The following BRINP3 variants were observed in gnomAD, a reference collection of about 807,000 sequenced individuals.
The protein encoded by BRINP3 is BMP/retinoic acid inducible neural specific 3, also known as BMP/retinoic acid-inducible neural-specific protein 3.
Under a neutral mutation model 71.0 loss-of-function variants are expected in BRINP3, and 19 were observed. The observed-to-expected ratio is 0.27, with a 90% CI of 0.19 to 0.39. The LOEUF is 0.39. Among genes scored for constraint, BRINP3 ranks in the 10% least tolerant of loss-of-function variants. The probability of loss-of-function intolerance (pLI) is 1.00; values close to 1 mark genes in which losing one functional copy is unlikely to be tolerated. For missense variants in BRINP3, 959 were observed against 940.8 expected, an observed-to-expected ratio of 1.02 and a Z score of -0.25; for synonymous variants, 380 against 337.7, an observed-to-expected ratio of 1.13 and a Z score of -1.37.
intron 4 of BRINP3, among the ~76,000 whole-genome samples, chr1:190,255,292 C>T (rs1660560493): frequency 6.7e-6 from 1 of 150,232 alleles, no homozygotes; most frequent in Non-Finnish European, 1.5e-5. Context: ...ATGATGCTGG[C>T]CTCATAAAAT....
intron 6 of BRINP3, among the ~76,000 whole-genome samples, chr1:190,183,326 T>A (rs1478730348): frequency 6.6e-6 from 1 of 152,020 alleles, no homozygotes; most frequent in African/African-American, 2.4e-5. Context: ...ATTTTAAGTT[T>A]AAAAAAATTA....
intron 2 of BRINP3, among the ~76,000 whole-genome samples, chr1:190,409,428 T>C (rs1373337227): frequency 2.0e-5 from 3 of 152,210 alleles, no homozygotes; most frequent in Non-Finnish European, 2.9e-5. Flanking sequence ...TTTCTAGAAC[T>C]GGATCTCCTT....
At chr1:190,397,185 C>T (rs1443838429) in intron 2 of BRINP3, among the ~76,000 whole-genome samples, 1 of 151,942 alleles carries the variant, frequency 6.6e-6, no homozygotes, top group Non-Finnish European at 1.5e-5. Context: ...CCTCTCTTAC[C>T]TACTTAGCAA....
intron 6 of BRINP3, among the ~76,000 whole-genome samples, chr1:190,167,155 G>T (rs2102483396): frequency 6.6e-6 from 1 of 152,102 alleles, no homozygotes; most frequent in African/African-American, 2.4e-5. Flanking sequence ...CAAAATCCCT[G>T]AATTTATCCG....
At chr1:190,410,559 G>A (rs1283352437) in intron 2 of BRINP3, among the ~76,000 whole-genome samples, 1 of 151,924 alleles carries the variant, frequency 6.6e-6, no homozygotes, top group East Asian at 1.9e-4. Flanking sequence ...CAGAAAGGTA[G>A]TATTTAAACC....
chr1:190,306,297 A>G lies in BRINP3; in HGVS notation c.237-24547T>C, dbSNP rs1438739707. Reference sequence around the variant, plus strand: ...CAGAAGAGCAACATACTCTAAAGGAAATGAAAGAAGTTTGTGAGCTGGCAC... The same window carrying G: ...CAGAAGAGCAACATACTCTAAAGGAGATGAAAGAAGTTTGTGAGCTGGCAC... On this transcript the variant is annotated intron_variant, in intron 2 of 7. Coordinates refer to ENST00000367462, the MANE Select transcript of BRINP3 (RefSeq NM_199051.3). Among the ~76,000 whole-genome samples the G allele has an allele frequency of 4.6e-5, 7 of 151,884 alleles. 1 individual carries two copies. The highest frequency in any genetic ancestry group is 1.7e-4 in the African/African-American group (7 of 41,388).
chr1:190,323,027 G>T (rs1354710461), intron 2 of BRINP3, among the ~76,000 whole-genome samples: 2 of 151,884 alleles, frequency 1.3e-5, no homozygotes, highest in African/African-American at 4.8e-5. Flanking sequence ...GTCTTAACTG[G>T]GGTTGTATTA....
At chr1:190,330,699 T>G (rs981307541) in intron 2 of BRINP3, among the ~76,000 whole-genome samples, 1 of 152,106 alleles carries the variant, frequency 6.6e-6, no homozygotes, top group Non-Finnish European at 1.5e-5. Flanking sequence ...ATTGTCCCAC[T>G]ATTCTCAATA....
chr1:190,304,688 T>C (rs1221547369), intron 2 of BRINP3, among the ~76,000 whole-genome samples: 1 of 151,830 alleles, frequency 6.6e-6, no homozygotes, highest in Non-Finnish European at 1.5e-5. Context: ...AAAAGCTCCA[T>C]GTTACTGGTC....
At chr1:190,440,324 T>C (rs1189034014) in intron 2 of BRINP3, among the ~76,000 whole-genome samples, 1 of 151,964 alleles carries the variant, frequency 6.6e-6, no homozygotes, top group Admixed American at 6.6e-5. Flanking sequence ...GATATCTTTA[T>C]GTTAAGCCAC....
At chr1:190,115,603 C>T (rs572623406) in intron 7 of BRINP3, among the ~76,000 whole-genome samples, 2 of 152,200 alleles carry the variant, frequency 1.3e-5, no homozygotes, top group South Asian at 4.1e-4. Context: ...GCAATACAAA[C>T]TAAGCTTAAA....
chr1:190,114,413 T>C (rs1652953609), intron 7 of BRINP3, among the ~76,000 whole-genome samples: 1 of 152,088 alleles, frequency 6.6e-6, no homozygotes, highest in South Asian at 2.1e-4. Context: ...TCAGTACCTA[T>C]AAATTAGATT....
intron 2 of BRINP3, among the ~76,000 whole-genome samples, chr1:190,403,903 T>C (rs1282330956): frequency 6.6e-6 from 1 of 152,194 alleles, no homozygotes; most frequent in East Asian, 1.9e-4. Flanking sequence ...AAATAAATCC[T>C]TGGCTCAGAT....
At chr1:190,424,023 C>T (rs1221367518) in intron 2 of BRINP3, among the ~76,000 whole-genome samples, 4 of 151,600 alleles carry the variant, frequency 2.6e-5, no homozygotes, top group Admixed American at 6.6e-5. Context: ...GAGTTCCACA[C>T]ATGGGACTTT....
chr1:190,433,499 A>G (rs1674243207), intron 2 of BRINP3, among the ~76,000 whole-genome samples: 1 of 152,082 alleles, frequency 6.6e-6, no homozygotes, highest in South Asian at 2.1e-4. Context: ...CTTCCCTTTC[A>G]GCATTTATAT....
chr1:190,465,549 T>C (rs1380195105), intron 1 of BRINP3, among the ~76,000 whole-genome samples: 1 of 151,972 alleles, frequency 6.6e-6, no homozygotes, highest in African/African-American at 2.4e-5. Flanking sequence ...AGGTGATATC[T>C]GACCACCCTG....
chr1:190,280,974 C>G (rs1396794029), intron 3 of BRINP3, among the ~76,000 whole-genome samples: 2 of 151,790 alleles, frequency 1.3e-5, no homozygotes, highest in Non-Finnish European at 2.9e-5. Flanking sequence ...ATTTTTAAGG[C>G]TAAATAGTAT....
chr1:190,379,698 T>C (rs1670414577), intron 2 of BRINP3, among the ~76,000 whole-genome samples: 1 of 151,974 alleles, frequency 6.6e-6, no homozygotes, highest in Admixed American at 6.6e-5. Context: ...AAGAAATCTG[T>C]AGGTTAATAA....
At chr1:190,316,483 T>A (rs1217697512) in intron 2 of BRINP3, among the ~76,000 whole-genome samples, 2 of 152,130 alleles carry the variant, frequency 1.3e-5, no homozygotes, top group Non-Finnish European at 2.9e-5. Flanking sequence ...CCTGGAAAGG[T>A]GTATTTCAAA....
Sources: allele counts gnomAD v4.1 joint callset (sites outside exome capture counted in the v4.1 genomes callset), GRCh38; gene constraint gnomAD v4.1.1; transcripts MANE v1.5; gene names NCBI Gene and HGNC (gene_info 2026-07-23, HGNC 2026-07-21).